The following ADD2 variants were observed in gnomAD, a reference collection of about 807,000 sequenced individuals.
ADD2 encodes the protein adducin 2.
ADD2 carries 23 observed loss-of-function variants against 83.0 expected under a neutral mutation model. The ratio of observed to expected loss-of-function variants is 0.28; its 90% CI spans 0.20 to 0.39. The LOEUF is 0.39. ADD2 is among the 10% of genes least tolerant of loss of function. The pLI, the probability that ADD2 is intolerant of heterozygous loss-of-function variation, is 1.00. For missense variants in ADD2, 758 were observed against 944.9 expected (o/e 0.80, Z 2.59); for synonymous variants, 375 against 375.4 (o/e 1.00, Z 0.01).
chr2:70,747,872 A>T (rs1674308774), intron 1 of ADD2, among the ~76,000 whole-genome samples: 1 of 152,236 alleles, frequency 6.6e-6, no homozygotes, highest in African/African-American at 2.4e-5. Flanking sequence ...TAAAATTTGA[A>T]ATTCAATTGT....
At chr2:70,711,307 C>G (rs1211528296) in intron 2 of ADD2, 5 of 152,132 alleles carry the variant, frequency 3.3e-5, no homozygotes, top group African/African-American at 7.2e-5. Flanking sequence ...GAGCCTCTTT[C>G]AACTGAACCT....
At chr2:70,755,084 C>T (rs552952343) in intron 1 of ADD2, among the ~76,000 whole-genome samples, 18 of 152,210 alleles carry the variant, frequency 1.2e-4, no homozygotes, top group Admixed American at 4.6e-4. Flanking sequence ...GGCCATTGAC[C>T]CTTGCACAAA....
intron 10 of ADD2, 98 bp from the exon 11 acceptor site, chr2:70,679,059 A>T: frequency 7.2e-7 from 1 of 1,390,982 alleles, no homozygotes; most frequent in Non-Finnish European, 9.7e-7. Flanking sequence ...TGCTTAAAGG[A>T]CTCTTCATGT....
rs564437235 is a variant in ADD2, at chr2:70,692,448, G to A, written c.660C>T (p.Pro220=). ...CLHSAIYAAR[P]DVRCIIHLHT... ...GCAGGTGGATGATGCAGCGCACGTC[G>A]GGCCTCGCTGCATAGATGGCCGAGT... Residue 220 remains proline (P), a synonymous_variant, in exon 7 of 16, where the codon CCC becomes CCT. Coordinates refer to ENST00000264436, the MANE Select transcript of ADD2 (RefSeq NM_001617.4). 5.0e-6 allele frequency: 8 copies of A among 1,610,180 alleles called. No individual in the cohort carries two copies. In the Middle Eastern group the frequency reaches 6.6e-4, roughly 133 times the overall value.
At chr2:70,673,822 G>T (rs4852698) in intron 14 of ADD2, among the ~76,000 whole-genome samples, 1 of 151,980 alleles carries the variant, frequency 6.6e-6, no homozygotes, top group Non-Finnish European at 1.5e-5. Flanking sequence ...GTCTCGAACT[G>T]CTGACCTCAG....
intron 1 of ADD2, among the ~76,000 whole-genome samples, chr2:70,764,151 G>A (rs1675260843): frequency 6.6e-6 from 1 of 151,784 alleles, no homozygotes; most frequent in Non-Finnish European, 1.5e-5. Flanking sequence ...GCCTCCCAAA[G>A]TGCTGGAATT....
rs1670144504 is a variant in ADD2 at position 70,676,460 on chromosome 2, C to T, written c.1593+336G>A. 2 of 1,277,824 alleles carry T rather than the reference C, an allele frequency of 1.6e-6. No homozygotes were observed. Among genetic ancestry groups the T allele is most frequent in the East Asian group, 3.1e-5 (1 of 32,126 alleles). 79.2% of individuals were successfully genotyped at this position (1,277,824 alleles called of 1,614,324 possible). ...ACCTGGGGCACCTGGGAGTCTCCAG[C>T]CCCAAGCCTATGAGTCCCCACTTCA... On this transcript the variant is annotated intron_variant, in intron 13 of 15. Transcript: ENST00000264436. This position sits in a 1 kb window ranked among gnomAD's most constrained non-coding sequence, Gnocchi z 4.8.
At chr2:70,750,583 C>A in intron 1 of ADD2, among the ~76,000 whole-genome samples, 1 of 152,096 alleles carries the variant, frequency 6.6e-6, no homozygotes, top group South Asian at 2.1e-4. Flanking sequence ...TAGCTGCAAG[C>A]CAAGGAATGC....
chr2:70,672,819 C>G, intron 15 of ADD2, 59 bp downstream of exon 15: 1 of 1,537,394 alleles, frequency 6.5e-7, no homozygotes, highest in African/African-American at 1.4e-5. Context: ...GGCAGGGCAC[C>G]TTCCCAGCCT....
chr2:70,664,289 A>T (rs1553365659), intron 15 of ADD2, among the ~76,000 whole-genome samples: 4 of 152,322 alleles, frequency 2.6e-5, no homozygotes, highest in Admixed American at 6.5e-5. Flanking sequence ...TATTTCCAAG[A>T]CATGTTAGTC....
chr2:70,754,353 A>G (rs1553383462), intron 1 of ADD2, among the ~76,000 whole-genome samples: 1 of 152,130 alleles, frequency 6.6e-6, no homozygotes, highest in East Asian at 1.9e-4. Flanking sequence ...AAGAAGCTAA[A>G]ATGTGGCTCT....
At chr2:70,716,621 G>A (rs782521515) in intron 1 of ADD2, among the ~76,000 whole-genome samples, 1 of 152,178 alleles carries the variant, frequency 6.6e-6, no homozygotes, top group Non-Finnish European at 1.5e-5. Flanking sequence ...TGCCAGTTAG[G>A]TGCTGAACAA....
intron 4 of ADD2, among the ~76,000 whole-genome samples, chr2:70,702,322 A>T (rs901418348): frequency 6.6e-6 from 1 of 152,176 alleles, no homozygotes; most frequent in East Asian, 1.9e-4. Context: ...ATGCAACACC[A>T]TGCCTGGCTA....
intron 4 of ADD2, 107 bp from the exon 5 acceptor site, chr2:70,696,503 T>G: frequency 6.9e-7 from 1 of 1,444,558 alleles, no homozygotes; most frequent in Non-Finnish European, 9.5e-7. Flanking sequence ...ACAGGAGACT[T>G]CCCCAGGCAG....
At chr2:70,764,794 G>A (rs1195283875) in intron 1 of ADD2, among the ~76,000 whole-genome samples, 1 of 151,430 alleles carries the variant, frequency 6.6e-6, no homozygotes, top group Non-Finnish European at 1.5e-5. Context: ...AAACAGTCTG[G>A]GTGACAGAGC....
At chr2:70,693,608 T>C (rs1203449153) in intron 6 of ADD2, among the ~76,000 whole-genome samples, 1 of 152,178 alleles carries the variant, frequency 6.6e-6, no homozygotes, top group Non-Finnish European at 1.5e-5. Flanking sequence ...TACAATATCC[T>C]ATTTTAAGTG....
intron 7 of ADD2, 116 bp from the exon 8 acceptor site, chr2:70,691,045 G>A: frequency 7.6e-7 from 1 of 1,314,008 alleles, no homozygotes. Context: ...GGAGTGAGGG[G>A]TGAGGTTGGG....
intron 1 of ADD2, among the ~76,000 whole-genome samples, chr2:70,716,124 TAA>T (rs1553376332): frequency 6.6e-6 from 1 of 152,152 alleles, no homozygotes; most frequent in African/African-American, 2.4e-5. Context: ...TTTCCAAATA[TAA>T]AGTGTTAAAT....
At chr2:70,672,239 G>A (rs570013944) in intron 15 of ADD2, among the ~76,000 whole-genome samples, 3 of 152,288 alleles carry the variant, frequency 2.0e-5, no homozygotes, top group African/African-American at 7.2e-5. Context: ...CTCGAACTCC[G>A]TTCTTTAAGC....
Sources: allele counts gnomAD v4.1 joint callset (sites outside exome capture counted in the v4.1 genomes callset), GRCh38; gene constraint gnomAD v4.1.1; non-coding constraint Gnocchi (gnomAD v3.1); transcripts MANE v1.5; gene names NCBI Gene and HGNC (gene_info 2026-07-23, HGNC 2026-07-21).